Variants in NEGR1 observed in about 807,000 individuals in gnomAD.
NEGR1 encodes neuronal growth regulator 1, also known as IgLON family member 4.
Under a neutral mutation model 40.9 loss-of-function variants are expected in NEGR1, and 10 were observed. The observed-to-expected ratio is 0.24, with a 90% confidence interval of 0.15 to 0.42. The LOEUF (loss-of-function observed/expected upper bound fraction) is 0.42. Among genes scored for constraint, NEGR1 ranks in the 10% least tolerant of loss-of-function variants. The probability of loss-of-function intolerance (pLI) is 1.00; values close to 1 mark genes in which losing one functional copy is unlikely to be tolerated. For missense variants in NEGR1, 352 were observed against 438.9 expected, an observed-to-expected ratio of 0.80 and a Z score of 1.77; for synonymous variants, 185 against 166.8, an observed-to-expected ratio of 1.11 and a Z score of -0.84.
chr1:71,738,375 C>T (rs560615669), intron 3 of NEGR1: 67 of 196,804 alleles, frequency 3.4e-4, no homozygotes, highest in South Asian at 1.2e-3. Flanking sequence ...TAAAGATCTG[C>T]TTGATTTGAC....
At chr1:72,267,744 T>A (rs1354193826) in intron 1 of NEGR1, among the ~76,000 whole-genome samples, 1 of 151,288 alleles carries the variant, frequency 6.6e-6, no homozygotes, top group Admixed American at 6.6e-5. Flanking sequence ...AAGCATCAGA[T>A]GTCCCTTACA....
chr1:71,568,712 A>G (rs567763956), intron 6 of NEGR1, among the ~76,000 whole-genome samples: 1 of 152,068 alleles, frequency 6.6e-6, no homozygotes, highest in Non-Finnish European at 1.5e-5. Context: ...GGGTGTATAT[A>G]TATCTACATA....
intron 1 of NEGR1, among the ~76,000 whole-genome samples, chr1:72,139,913 ACT>A (rs1350995926): frequency 6.6e-6 from 1 of 152,100 alleles, no homozygotes; most frequent in Non-Finnish European, 1.5e-5. Context: ...CCAGGTGTGA[ACT>A]GGGAGAAGCA....
intron 3 of NEGR1, among the ~76,000 whole-genome samples, chr1:71,754,023 A>G (rs1230120888): frequency 6.6e-6 from 1 of 151,100 alleles, no homozygotes; most frequent in Non-Finnish European, 1.5e-5. Flanking sequence ...ACATGATTTC[A>G]GGATAAAGCA....
chr1:71,520,770 T>C (rs941160288), intron 6 of NEGR1, among the ~76,000 whole-genome samples: 1 of 151,966 alleles, frequency 6.6e-6, no homozygotes, highest in Non-Finnish European at 1.5e-5. Context: ...TTTAGTGTCA[T>C]AGGCATGGCT....
In NEGR1 at chr1:71,397,592, G is replaced by T. The variant is rs1038003183; in HGVS notation, c.*9854C>A. On this transcript the variant is annotated 3_prime_UTR_variant, in exon 7 of 7. Coordinates refer to ENST00000357731, the MANE Select transcript of NEGR1 (RefSeq NM_173808.3). ...TCTGCCTGTCTCAGACTCCCAAAGT[G>T]CTGAGATTACAAGCATGAGCCAGTG... The T allele has an allele frequency of 6.6e-6, 1 of 152,250 alleles. No homozygotes were observed. The highest frequency in any genetic ancestry group is 1.5e-5 in the Non-Finnish European group (1 of 68,086). 9.4% of individuals were successfully genotyped at this position (152,250 alleles called of 1,614,324 possible). A position where few individuals can be genotyped will look rare whatever the true frequency, so the allele number is the denominator to read the frequency against.
At chr1:71,439,315 C>T (rs1049985649) in intron 6 of NEGR1, among the ~76,000 whole-genome samples, 32 of 152,128 alleles carry the variant, frequency 2.1e-4, no homozygotes, top group Non-Finnish European at 2.2e-4. Flanking sequence ...GTTACTAGAA[C>T]TCAAATGAAA....
At chr1:72,270,483 C>T (rs1655805766) in intron 1 of NEGR1, among the ~76,000 whole-genome samples, 1 of 151,852 alleles carries the variant, frequency 6.6e-6, no homozygotes, top group Non-Finnish European at 1.5e-5. Flanking sequence ...ACCATAAGAA[C>T]ATATCTAATC....
At chr1:71,627,473 T>C (rs1027960262) in intron 4 of NEGR1, among the ~76,000 whole-genome samples, 17 of 152,028 alleles carry the variant, frequency 1.1e-4, no homozygotes, top group Non-Finnish European at 2.1e-4. Flanking sequence ...CACAGATCAC[T>C]GTTAGACTAA....
chr1:71,550,074 G>A (rs1178656547), intron 6 of NEGR1, among the ~76,000 whole-genome samples: 1 of 151,566 alleles, frequency 6.6e-6, no homozygotes, highest in Non-Finnish European at 1.5e-5. Context: ...ATTCCTTTAT[G>A]AATTTAACAG....
At chr1:72,122,472 A>G (rs1199469259) in intron 1 of NEGR1, among the ~76,000 whole-genome samples, 2 of 152,006 alleles carry the variant, frequency 1.3e-5, no homozygotes, top group African/African-American at 4.8e-5. Context: ...CACATACATA[A>G]ACTTGTGACC....
chr1:71,732,690 A>G (rs769562283), intron 3 of NEGR1, among the ~76,000 whole-genome samples: 2 of 152,110 alleles, frequency 1.3e-5, no homozygotes, highest in Non-Finnish European at 2.9e-5. Context: ...ATTTTATATT[A>G]CTAAAAATAT....
intron 1 of NEGR1, among the ~76,000 whole-genome samples, chr1:72,111,576 A>C (rs1649373343): frequency 6.6e-6 from 1 of 151,844 alleles, no homozygotes; most frequent in African/African-American, 2.4e-5. Context: ...AAAGATGATA[A>C]GATACAACAT....
chr1:72,078,052 A>C (rs1246899078), intron 1 of NEGR1, among the ~76,000 whole-genome samples: 1 of 152,180 alleles, frequency 6.6e-6, no homozygotes, highest in Non-Finnish European at 1.5e-5. Context: ...ATTAGGTTGG[A>C]ACTAACATTG....
At chr1:72,096,435 C>T (rs1648699287) in intron 1 of NEGR1, among the ~76,000 whole-genome samples, 2 of 151,886 alleles carry the variant, frequency 1.3e-5, no homozygotes, top group Non-Finnish European at 2.9e-5. Context: ...CAAATTTTAT[C>T]TTTGTTTGGT....
In NEGR1 at chr1:71,530,820, A is replaced by G. The variant is rs541031585; in HGVS notation, c.940+61997T>C. Among the ~76,000 whole-genome samples the G allele has an allele frequency of 2.6e-4, 39 of 151,302 alleles. 1 individual carries two copies. In the South Asian group the frequency reaches 3.3e-3, roughly 13 times the overall value. On this transcript the variant is annotated intron_variant, in intron 6 of 6. Coordinates refer to ENST00000357731, the MANE Select transcript of NEGR1 (RefSeq NM_173808.3). ...TATGTCTCAGAGTGCTTGAAAGGCT[A>G]AGCAGTCCAAATTTTTGCCTTTAAG...
rs1646246591 is a variant in NEGR1, at chr1:71,401,527, G to A, written c.*5919C>T. ...AACAAAGTACAAATGTATTTCTTAG[G>A]TTGCATATCATTTAATTTCTAGAAT... is the stretch of plus-strand genomic sequence containing the variant. On this transcript the variant is annotated 3_prime_UTR_variant, in exon 7 of 7. Transcript: ENST00000357731. The A allele has an allele frequency of 6.6e-6, 1 of 151,990 alleles. No individual in the cohort carries two copies. Among genetic ancestry groups the A allele is most frequent in the Non-Finnish European group, 1.5e-5 (1 of 67,988 alleles). The allele number at this position is 151,990 out of a possible 1,614,324, so 9.4% of individuals were successfully genotyped here.
At chr1:72,087,578 A>G (rs1012036065) in intron 1 of NEGR1, among the ~76,000 whole-genome samples, 1 of 151,778 alleles carries the variant, frequency 6.6e-6, no homozygotes, top group Non-Finnish European at 1.5e-5. Context: ...GTATAACTCT[A>G]TAAGAACATA....
chr1:72,097,427 C>T lies in NEGR1; in HGVS notation c.177-162116G>A, dbSNP rs114848567. ...CTAGGAAAGACTGCCAGGCTTTCCA[C>T]GTCCTGCCTCACTATTTTCCTCTAT... On this transcript the variant is annotated intron_variant, in intron 1 of 6. Transcript: ENST00000357731. 9.4e-3 allele frequency among the ~76,000 whole-genome samples: 1,425 copies of T among 152,254 alleles called. 32 individuals carry two copies. Among genetic ancestry groups the T allele is most frequent in the African/African-American group, 0.033 (1,367 of 41,538 alleles).
Sources: gnomAD v4.1 joint callset for allele counts (sites outside exome capture counted in the v4.1 genomes callset) on GRCh38, gnomAD v4.1.1 for gene constraint, MANE v1.5 for transcripts, NCBI Gene and HGNC (gene_info 2026-07-23, HGNC 2026-07-21) for gene names.